IZUMO2: variants seen among roughly 807,000 people sequenced by gnomAD.
IZUMO2 encodes izumo sperm-egg fusion protein 2.
A neutral mutation model predicts 31.2 loss-of-function variants in IZUMO2; 24 were observed. The observed-to-expected ratio is 0.77, with a 90% CI of 0.56 to 1.08. The LOEUF (loss-of-function observed/expected upper bound fraction) is 1.08, where lower values mean the gene tolerates loss of function less well. IZUMO2 is among the 50% of genes least tolerant of loss of function. The pLI, the probability that IZUMO2 is intolerant of heterozygous loss-of-function variation, is 0.00. For synonymous variants in IZUMO2, 144 were observed against 117.3 expected, an observed-to-expected ratio of 1.23 and a Z score of -1.47; for missense variants, 278 against 274.0, an observed-to-expected ratio of 1.01 and a Z score of -0.10.
intron 4 of IZUMO2, 54 bp downstream of exon 4, chr19:50,159,176 G>C: frequency 6.3e-7 from 1 of 1,579,264 alleles, no homozygotes; most frequent in Non-Finnish European, 8.6e-7. Context: ...GGGGAGACAG[G>C]GTGAAGGGGG....
rs772458088 is a variant in IZUMO2, at chr19:50,159,486, T to C, written c.394+8A>G. 7 of 1,586,642 alleles carry C rather than the reference T, an allele frequency of 4.4e-6. No homozygotes were observed. Among genetic ancestry groups the C allele is most frequent in the African/African-American group, 2.7e-5 (2 of 74,308 alleles). ...AGGAGAGGGGATTGGTGGAGAGATA[T>C]GCTGCACCTTTTAATTCATATGAAA... On this transcript the variant is annotated splice_region_variant and intron_variant, in intron 3 of 6. Coordinates refer to ENST00000293405, the MANE Select transcript of IZUMO2 (RefSeq NM_152358.3).
intron 4 of IZUMO2, 44 bp downstream of exon 4, chr19:50,159,186 G>T: frequency 6.3e-7 from 1 of 1,597,380 alleles, no homozygotes; most frequent in Non-Finnish European, 8.5e-7. Context: ...GGTGAAGGGG[G>T]TTAGGAGGGT....
At chr19:50,154,758 C>A (rs1568437079) in intron 5 of IZUMO2, 32 bp from the exon 6 acceptor site, 7 of 1,609,840 alleles carry the variant, frequency 4.3e-6, no homozygotes, top group Non-Finnish European at 5.9e-6. Context: ...CCCCGACCTC[C>A]ACGTCACCAC....
In IZUMO2 at chr19:50,163,036, GGCGCGCGCCTGCAGCT is replaced by G. The variant is rs1568440185; in HGVS notation, c.143_158del (p.Gln48ProfsTer5). On this transcript the variant is annotated frameshift_variant, in exon 1 of 7. Coordinates refer to ENST00000293405, the MANE Select transcript of IZUMO2 (RefSeq NM_152358.3). LOFTEE classifies it high-confidence loss of function. ...CCTCCATGCCCATCAGCACGGCCCC[GGCGCGCGCCTGCAGCT>G]GCTCCAACTGGAAGCGACTGGGGAT... The G allele has an allele frequency of 6.2e-7, 1 of 1,612,772 alleles. No homozygotes were observed. Among genetic ancestry groups the G allele is most frequent in the Non-Finnish European group, 8.5e-7 (1 of 1,179,138 alleles).
chr19:50,153,858 C>T (rs915513265), intron 6 of IZUMO2: 3 of 151,426 alleles, frequency 2.0e-5, no homozygotes, highest in Non-Finnish European at 4.4e-5. Flanking sequence ...TCACCACCCC[C>T]GCCAGTGGGA....
At chr19:50,155,753 C>T (rs2030193581) in intron 5 of IZUMO2, among the ~76,000 whole-genome samples, 1 of 152,156 alleles carries the variant, frequency 6.6e-6, no homozygotes, top group African/African-American at 2.4e-5. Flanking sequence ...TAAGTCGGCT[C>T]CCTCTGCTCA....
chr19:50,155,262 G>T (rs1275998326), intron 5 of IZUMO2, among the ~76,000 whole-genome samples: 1 of 152,160 alleles, frequency 6.6e-6, no homozygotes. Flanking sequence ...GCTAGGTATG[G>T]TGGCACGAGC....
chr19:50,153,051 C>T (rs1025489890), intron 6 of IZUMO2, among the ~76,000 whole-genome samples: 1 of 152,156 alleles, frequency 6.6e-6, no homozygotes, highest in Admixed American at 6.6e-5. Context: ...ATTGGAAACA[C>T]GGTCTTTGCA....
At chr19:50,155,374 G>A (rs898709909) in intron 5 of IZUMO2, among the ~76,000 whole-genome samples, 11 of 152,304 alleles carry the variant, frequency 7.2e-5, no homozygotes, top group Admixed American at 1.3e-4. Flanking sequence ...CCCCAGCCTG[G>A]GGGACGGAGC....
rs1440050526 is a variant in IZUMO2 at position 50,158,958 on chromosome 19, C to A, written c.415+272G>T. ...GAAATTTGGGTGAAAGAAAAATAAACCTTTGTTGTGTTAAACCACCAAGAT... is the reference window on the plus strand; with the variant it reads ...GAAATTTGGGTGAAAGAAAAATAAAACTTTGTTGTGTTAAACCACCAAGAT... On this transcript the variant is annotated intron_variant, in intron 4 of 6. Transcript: ENST00000293405. 2.0e-5 allele frequency among the ~76,000 whole-genome samples: 3 copies of A among 152,178 alleles called. No homozygotes were observed. The East Asian group carries it at 5.8e-4, about 29-fold the overall frequency.
intron 5 of IZUMO2, 89 bp from the exon 6 acceptor site, chr19:50,154,815 G>A (rs1212136108): frequency 7.4e-6 from 11 of 1,478,312 alleles, no homozygotes; most frequent in Non-Finnish European, 9.2e-6. Flanking sequence ...CAGCAGCCTG[G>A]GGCAGGGGTG....
In IZUMO2 at chr19:50,159,220, C is replaced by T. The variant is rs1267585166; in HGVS notation, c.415+10G>A. On this transcript the variant is annotated intron_variant, in intron 4 of 6. Transcript: ENST00000293405. ...GTAGAGAAGGGAGAGATAGACGATC[C>T]AGAACTCACGGCAAAGTTTGGGGTT... 1.2e-6 allele frequency: 2 copies of T among 1,610,102 alleles called. No individual in the cohort carries two copies. Among genetic ancestry groups the T allele is most frequent in the South Asian group, 1.1e-5 (1 of 89,480 alleles).
intron 5 of IZUMO2, 128 bp from the exon 6 acceptor site, chr19:50,154,854 C>T: frequency 5.1e-6 from 5 of 985,296 alleles, no homozygotes; most frequent in Non-Finnish European, 7.4e-6. Flanking sequence ...TTCTTCTCTT[C>T]CTGCTTGTTC....
Position 50,159,577 on chromosome 19 carries a change from T to A in IZUMO2, c.311A>T (p.Glu104Val). ...QHLMGNSLKD[E>V]PLLEELVTLR... ...GGTCACCAGCTCTTCCAGCAGAGGC[T>A]CATCTGAGGAGAGAAAGAGATCTCT... Residue 104 changes from glutamate to valine, a missense_variant, in exon 3 of 7, where the codon GAG (glutamate) becomes GTG (valine). Glu to Val is a moderately radical substitution (Grantham distance 121, BLOSUM62 -2). Transcript: ENST00000293405. 6.2e-7 allele frequency: 1 copy of A among 1,609,394 alleles called. No individual in the cohort carries two copies. The highest frequency in any genetic ancestry group is 8.5e-7 in the Non-Finnish European group (1 of 1,175,902).
chr19:50,158,835 T>C (rs965096533), intron 4 of IZUMO2, among the ~76,000 whole-genome samples: 9 of 152,210 alleles, frequency 5.9e-5, no homozygotes, highest in African/African-American at 1.9e-4. Flanking sequence ...CTCAGTGTGA[T>C]TGCTATTGCT....
intron 6 of IZUMO2, among the ~76,000 whole-genome samples, chr19:50,154,264 GTTTTTTTTTTTT>G (rs71180675): frequency 7.6e-5 from 6 of 79,276 alleles, no homozygotes; most frequent in South Asian, 4.2e-4. Context: ...AACTTTTAGC[GTTTTTTTTTTTT>G]TTTTTTTTTT....
Position 50,152,634 on chromosome 19 carries a change from T to C in IZUMO2, c.641A>G (p.Gln214Arg). Residue 214 changes from glutamine to arginine, a missense_variant, in exon 7 of 7, where the codon CAA (glutamine) becomes CGA (arginine). Coordinates refer to ENST00000293405, the MANE Select transcript of IZUMO2 (RefSeq NM_152358.3). ...VIVVSACTYR[Q>R]NRKLLLQ Reference sequence around the variant, plus strand: ...CTACTGCAGCAGGAGTTTTCGGTTTTGTCTGTATGTACAAGCCCTGGTCAG... The same window carrying C: ...CTACTGCAGCAGGAGTTTTCGGTTTCGTCTGTATGTACAAGCCCTGGTCAG... The C allele has an allele frequency of 6.2e-7, 1 of 1,613,742 alleles. No individual in the cohort carries two copies. The highest frequency in any genetic ancestry group is 8.5e-7 in the Non-Finnish European group (1 of 1,179,616).
chr19:50,163,015 C>T lies in IZUMO2; in HGVS notation c.180G>A (p.Met60Ile), dbSNP rs372204859. The change falls in exon 1 of 7, where the codon ATG becomes ATA. Residue 60 changes from methionine (M) to isoleucine (I), a missense_variant. Physicochemically the swap from Met to Ile is conservative, Grantham distance 10. Coordinates refer to ENST00000293405, the MANE Select transcript of IZUMO2 (RefSeq NM_152358.3). ...CGTAGTCCCGGAAGAAAGGCCCCTC[C>T]ATGCCCATCAGCACGGCCCCGGCGC... The part of the protein sequence containing the change: ...QARAGAVLMG[M>I]EGPFFRDYAL... 1.9e-6 allele frequency: 3 copies of T among 1,612,068 alleles called. No individual in the cohort carries two copies. Among genetic ancestry groups the T allele is most frequent in the African/African-American group, 2.7e-5 (2 of 74,874 alleles).
chr19:50,159,771 T>A (rs1283193572), intron 2 of IZUMO2, among the ~76,000 whole-genome samples, 191 bp from the exon 3 acceptor site: 1 of 152,156 alleles, frequency 6.6e-6, no homozygotes, highest in East Asian at 1.9e-4. Context: ...TGATTCACCG[T>A]GGGGCCTAGG....
Sources: allele counts gnomAD v4.1 joint callset (sites outside exome capture counted in the v4.1 genomes callset), GRCh38; gene constraint gnomAD v4.1.1; transcripts MANE v1.5; gene names NCBI Gene and HGNC (gene_info 2026-07-23, HGNC 2026-07-21).